MON2: variants seen among roughly 807,000 people sequenced by gnomAD.
MON2 encodes protein MON2 homolog.
In MON2, 84 loss-of-function variants were observed where a neutral mutation model predicts 208.6. The observed-to-expected ratio is 0.40, with a 90% CI of 0.34 to 0.48. MON2 has a LOEUF of 0.48. MON2 is among the 20% of genes least tolerant of loss of function. The pLI is 0.59. For synonymous variants in MON2, 660 were observed against 694.0 expected, an observed-to-expected ratio of 0.95 and a Z score of 0.77; for missense variants, 1,611 against 2,015.4, an observed-to-expected ratio of 0.80 and a Z score of 3.84.
At chr12:62,497,409 C>T (rs1592872379) in intron 4 of MON2, among the ~76,000 whole-genome samples, 1 of 152,018 alleles carries the variant, frequency 6.6e-6, no homozygotes, top group East Asian at 1.9e-4. Context: ...AAATGGGTGA[C>T]AAACACATGA....
At chr12:62,485,958 T>A (rs1342269960) in intron 2 of MON2, among the ~76,000 whole-genome samples, 1 of 152,102 alleles carries the variant, frequency 6.6e-6, no homozygotes. Context: ...CGCCTCGGCC[T>A]CTCCAAGTGT....
At position 62,585,535 on chromosome 12, in the gene MON2, ATTG is replaced by A. The variant is rs759657637; in HGVS notation, c.4907+39_4907+41del. On this transcript the variant is annotated intron_variant, in intron 33 of 34. Coordinates refer to ENST00000393630, the MANE Select transcript of MON2 (RefSeq NM_015026.3). ...TTCATTTTATTAAAGAAATAAATGT[ATTG>A]TTGTACTAATTGTTGATAACAAGGA... The A allele has an allele frequency of 5.5e-5, 80 of 1,459,948 alleles. 2 individuals carry two copies. Among genetic ancestry groups the A allele is most frequent in the South Asian group, 3.3e-4 (26 of 78,648 alleles). 90.4% of individuals were successfully genotyped at this position (1,459,948 alleles called of 1,614,324 possible).
At chr12:62,537,321 C>T in intron 15 of MON2, 58 bp downstream of exon 15, 1 of 1,244,812 alleles carries the variant, frequency 8.0e-7, no homozygotes, top group Non-Finnish European at 1.2e-6. Flanking sequence ...CTTGTTGTAC[C>T]TATCTTTGTG....
In MON2 at chr12:62,543,126, G is replaced by T. The variant is rs1465728596; in HGVS notation, c.2394G>T (p.Leu798Phe). ...CATCTCTTTTTGCTGTTGCCAAATT[G>T]TTAGAAACTGGTTTAGTTAATATGC... ...KEPSLFAVAK[L>F]LETGLVNMHR... The change falls in exon 20 of 35, where the codon TTG (leucine) becomes TTT (phenylalanine). Residue 798 changes from leucine to phenylalanine, a missense_variant. Transcript: ENST00000393630. 1 of 1,579,270 alleles carries T rather than the reference G, an allele frequency of 6.3e-7. No individual in the cohort carries two copies. The highest frequency in any genetic ancestry group is 8.6e-7 in the Non-Finnish European group (1 of 1,166,992).
chr12:62,578,129 T>C (rs1337860833), intron 30 of MON2, among the ~76,000 whole-genome samples: 2 of 152,186 alleles, frequency 1.3e-5, no homozygotes, highest in Non-Finnish European at 2.9e-5. Context: ...ATGGTAACTT[T>C]TGCTCTGCTG....
intron 19 of MON2, 122 bp downstream of exon 19, chr12:62,538,627 G>C (rs2073090592): frequency 1.4e-6 from 1 of 705,502 alleles, no homozygotes. Context: ...ACCATACTCT[G>C]TTGGGTTTTT....
rs200738634 is a variant in MON2 at position 62,560,677 on chromosome 12, T to G, written c.3596T>G (p.Ile1199Arg). The G allele has an allele frequency of 6.2e-7, 1 of 1,614,006 alleles. No individual in the cohort carries two copies. Among genetic ancestry groups the G allele is most frequent in the South Asian group, 1.1e-5 (1 of 91,072 alleles). Residue 1199 changes from isoleucine to arginine, a missense_variant, in exon 26 of 35, where the codon ATA (isoleucine) becomes AGA (arginine). Transcript: ENST00000393630. The stretch of plus-strand genomic sequence containing the variant: ...GTTAATGTACCTGTGCCTGTTCTTA[T>G]AGGGCCCATATCAGGCATGAGCAGG... ...PVVNVPVPVL[I>R]GPISGMSRPF...
At chr12:62,531,378 T>G (rs369692165) in intron 11 of MON2, among the ~76,000 whole-genome samples, 3 of 152,210 alleles carry the variant, frequency 2.0e-5, no homozygotes, top group East Asian at 3.8e-4. Context: ...CATTGATTCA[T>G]TTTGGAGTTA....
intron 30 of MON2, among the ~76,000 whole-genome samples, chr12:62,572,669 C>T (rs929263493): frequency 2.0e-5 from 3 of 152,102 alleles, no homozygotes; most frequent in African/African-American, 7.2e-5. Context: ...GTGTCTTGAA[C>T]TAACTTCTGG....
At chr12:62,509,656 G>A (rs890712695) in intron 8 of MON2, among the ~76,000 whole-genome samples, 3 of 152,126 alleles carry the variant, frequency 2.0e-5, no homozygotes, top group South Asian at 2.1e-4. Flanking sequence ...CATAAAACAA[G>A]TCTCAACAAA....
At chr12:62,592,109 G>T (rs2075416456) in intron 34 of MON2, among the ~76,000 whole-genome samples, 1 of 152,154 alleles carries the variant, frequency 6.6e-6, no homozygotes, top group African/African-American at 2.4e-5. Flanking sequence ...GAATGGATCT[G>T]TTTGTGACAG....
At chr12:62,511,425 A>AG (rs1592916605) in intron 8 of MON2, among the ~76,000 whole-genome samples, 2 of 152,310 alleles carry the variant, frequency 1.3e-5, no homozygotes, top group East Asian at 3.9e-4. Flanking sequence ...ACAAAAACCC[A>AG]TGGAACAGAA....
chr12:62,510,630 C>T (rs2071346503), intron 8 of MON2, among the ~76,000 whole-genome samples: 1 of 152,146 alleles, frequency 6.6e-6, no homozygotes, highest in African/African-American at 2.4e-5. Context: ...TAGAACTAAA[C>T]TACCTTAACC....
chr12:62,479,320 G>A (rs1211978582), intron 1 of MON2, among the ~76,000 whole-genome samples: 1 of 151,940 alleles, frequency 6.6e-6, no homozygotes, highest in African/African-American at 2.4e-5. Context: ...CATAACGTGT[G>A]CATATCTTCC....
chr12:62,528,977 A>G (rs1485899176), intron 11 of MON2, among the ~76,000 whole-genome samples: 9 of 152,240 alleles, frequency 5.9e-5, no homozygotes, highest in African/African-American at 1.9e-4. Context: ...AGTACCCAAT[A>G]GTTACCTTTT....
intron 2 of MON2, 82 bp from the exon 3 acceptor site, chr12:62,493,833 T>C: frequency 9.5e-7 from 1 of 1,056,984 alleles, no homozygotes. Context: ...GAGATCGCTA[T>C]TACTGGTTGT....
At chr12:62,482,382 ATTGT>A (rs1565958264) in intron 1 of MON2, 2 of 152,220 alleles carry the variant, frequency 1.3e-5, no homozygotes, top group Non-Finnish European at 2.9e-5. Context: ...ACATCAATTC[ATTGT>A]TTGTCAGACT....
At chr12:62,474,766 G>A (rs993089805) in intron 1 of MON2, among the ~76,000 whole-genome samples, 2 of 152,128 alleles carry the variant, frequency 1.3e-5, no homozygotes, top group Non-Finnish European at 2.9e-5. Context: ...TCCTCAAAAC[G>A]TCATTTTCCC....
chr12:62,507,115 A>G (rs1257849945), intron 7 of MON2, among the ~76,000 whole-genome samples: 1 of 149,818 alleles, frequency 6.7e-6, no homozygotes, highest in Non-Finnish European at 1.5e-5. Flanking sequence ...TGTTCTGTTC[A>G]AGCAGTCCAA....
Sources: gnomAD v4.1 joint callset for allele counts (sites outside exome capture counted in the v4.1 genomes callset) on GRCh38, gnomAD v4.1.1 for gene constraint, MANE v1.5 for transcripts, NCBI Gene and HGNC (gene_info 2026-07-23, HGNC 2026-07-21) for gene names.